The following ZNF462 variants were observed in gnomAD, a reference collection of about 807,000 sequenced individuals.
ZNF462 encodes zinc finger protein 462, also known as zinc finger PBX1-interacting protein.
Under a neutral mutation model 201.9 loss-of-function variants are expected in ZNF462, and 10 were observed. That is an observed-to-expected ratio of 0.05 (90% CI 0.03 to 0.08). The LOEUF (loss-of-function observed/expected upper bound fraction) is 0.08, where lower values mean the gene tolerates loss of function less well. Among genes scored for constraint, ZNF462 ranks in the 10% least tolerant of loss-of-function variants. The pLI, the probability that ZNF462 is intolerant of heterozygous loss-of-function variation, is 1.00. For missense variants in ZNF462, 2,523 were observed against 3,168.3 expected, an observed-to-expected ratio of 0.80 and a Z score of 4.89; for synonymous variants, 1,227 against 1,193.3, an observed-to-expected ratio of 1.03 and a Z score of -0.58.
intron 8 of ZNF462, among the ~76,000 whole-genome samples, chr9:106,973,377 G>A (rs915587323): frequency 1.3e-5 from 2 of 151,988 alleles, no homozygotes; most frequent in African/African-American, 2.4e-5. Flanking sequence ...TTGATGGAAC[G>A]TGTGTTCTAT....
chr9:106,969,522 G>T (rs1346953908), intron 7 of ZNF462, among the ~76,000 whole-genome samples: 2 of 152,136 alleles, frequency 1.3e-5, no homozygotes, highest in Non-Finnish European at 2.9e-5. Flanking sequence ...GTGTTGAGTT[G>T]GGGGTGGATG....
At chr9:106,980,229 T>A (rs944891704) in intron 9 of ZNF462, among the ~76,000 whole-genome samples, 1 of 152,236 alleles carries the variant, frequency 6.6e-6, no homozygotes, top group African/African-American at 2.4e-5. Context: ...TTTGTCTATT[T>A]ATGGCTATGT....
At chr9:106,862,094 G>C (rs1414563101), upstream of ZNF462, among the ~76,000 whole-genome samples, 1 of 151,996 alleles carries the variant, frequency 6.6e-6, no homozygotes, top group South Asian at 2.1e-4. This position sits in a 1 kb window ranked among gnomAD's most constrained non-coding sequence, Gnocchi z 4.2. Flanking sequence ...TTCCATATCA[G>C]GAAAGAAATA....
intron 1 of ZNF462, among the ~76,000 whole-genome samples, chr9:106,908,902 C>CGTATATACATATATATAT (rs1564090567): frequency 2.7e-4 from 21 of 77,216 alleles, no homozygotes; most frequent in African/African-American, 1.2e-3. Flanking sequence ...AATATTTGCC[C>CGTATATACATATATATAT]ATATATACAT....
chr9:106,922,202 A>G (rs1441772882), intron 1 of ZNF462, among the ~76,000 whole-genome samples: 3 of 152,220 alleles, frequency 2.0e-5, no homozygotes, highest in African/African-American at 4.8e-5. Context: ...CTGGTTCTAG[A>G]TTACAGTGAC....
intron 10 of ZNF462, among the ~76,000 whole-genome samples, chr9:106,998,949 T>A (rs1828955038): frequency 6.6e-6 from 1 of 151,988 alleles, no homozygotes; most frequent in African/African-American, 2.4e-5. Flanking sequence ...TTCACCAAAC[T>A]CTGGGTTAGT....
Position 106,932,563 on chromosome 9 carries a change from G to C in ZNF462, c.6116+14G>C. The C allele has an allele frequency of 6.2e-7, 1 of 1,614,184 alleles. No homozygotes were observed. Among genetic ancestry groups the C allele is most frequent in the South Asian group, 1.1e-5 (1 of 91,072 alleles). ...TTTCAGGCACAAGTAAGTGCTATTGGGGGGTCACTAGTGGTTACTGGGAGA... is the reference window on the plus strand; with the variant it reads ...TTTCAGGCACAAGTAAGTGCTATTGCGGGGTCACTAGTGGTTACTGGGAGA... On this transcript the variant is annotated intron_variant, in intron 5 of 12. Coordinates refer to ENST00000277225, the MANE Select transcript of ZNF462 (RefSeq NM_021224.6). The surrounding 1 kb of genome is among the most constrained non-coding windows in gnomAD (Gnocchi z 6.8).
Position 106,978,939 on chromosome 9 carries a change from C to A in ZNF462, c.6832+4666C>A. The A allele has an allele frequency of 6.4e-6, 2 of 314,172 alleles. No individual in the cohort carries two copies. Among genetic ancestry groups the A allele is most frequent in the South Asian group, 6.1e-5 (2 of 32,708 alleles). The allele number at this position is 314,172 out of a possible 1,614,324, so 19.5% of individuals were successfully genotyped here. On this transcript the variant is annotated intron_variant, in intron 9 of 12. Coordinates refer to ENST00000277225, the MANE Select transcript of ZNF462 (RefSeq NM_021224.6). The surrounding 1 kb of genome is among the most constrained non-coding windows in gnomAD (Gnocchi z 4.1). The stretch of plus-strand genomic sequence containing the variant: ...GGCTTCTACCAGCTTAGCCAAAGCG[C>A]CTTTGTCTTCCAAGTTAATGTGTGT...
At chr9:106,943,059 CGTGTGTGTGT>C (rs3056311) in intron 7 of ZNF462, among the ~76,000 whole-genome samples, 2 of 143,154 alleles carry the variant, frequency 1.4e-5, no homozygotes, top group South Asian at 2.3e-4. Context: ...TTTGCGCGCG[CGTGTGTGTGT>C]GTGTGTGTGT....
chr9:106,948,251 C>T (rs566207559), intron 7 of ZNF462, among the ~76,000 whole-genome samples: 47 of 152,200 alleles, frequency 3.1e-4, no homozygotes, highest in Non-Finnish European at 5.1e-4. Context: ...TAGAGCCAGA[C>T]GACAGGAGTA....
At chr9:106,940,793 T>C (rs1209849950) in intron 7 of ZNF462, among the ~76,000 whole-genome samples, 4 of 151,950 alleles carry the variant, frequency 2.6e-5, no homozygotes, top group Admixed American at 2.6e-4. Flanking sequence ...GTCACACATC[T>C]AGGGCTGGGT....
intron 1 of ZNF462, among the ~76,000 whole-genome samples, chr9:106,907,974 A>G (rs1829343048): frequency 6.6e-6 from 1 of 152,034 alleles, no homozygotes. Flanking sequence ...ACTTAGGAGA[A>G]TGTTAAAAAA....
intron 7 of ZNF462, among the ~76,000 whole-genome samples, chr9:106,944,777 C>G (rs1483486378): frequency 6.6e-5 from 10 of 152,148 alleles, no homozygotes; most frequent in Non-Finnish European, 1.2e-4. Context: ...ACTTTTCTAG[C>G]TTCTACATAG....
intron 11 of ZNF462, among the ~76,000 whole-genome samples, chr9:107,007,588 G>A (rs988715087): frequency 2.0e-5 from 3 of 152,144 alleles, no homozygotes; most frequent in African/African-American, 4.8e-5. Context: ...CCCCCTCGCC[G>A]ATCCTTGAAA....
Position 106,928,584 on chromosome 9 carries a change from A to G in ZNF462, c.4672A>G (p.Ile1558Val). The change falls in exon 3 of 13, where the codon ATA becomes GTA. Residue 1558 changes from isoleucine (I) to valine (V), a missense_variant. Physicochemically the swap from Ile to Val is conservative, Grantham distance 29. This residue lies in a region of ZNF462 where 200 missense variants were observed against 281.3 expected (regional missense o/e 0.71). Coordinates refer to ENST00000277225, the MANE Select transcript of ZNF462 (RefSeq NM_021224.6). The surrounding 1 kb of genome is among the most constrained non-coding windows in gnomAD (Gnocchi z 9.3). ...FVHDVEQSAD[I>V]SQNDVEETSR... ...GCACGACGTAGAGCAGTCTGCTGAC[A>G]TATCCCAGAATGACGTGGAGGAGAC... 6.2e-7 allele frequency: 1 copy of G among 1,614,128 alleles called. No individual in the cohort carries two copies. The highest frequency in any genetic ancestry group is 8.5e-7 in the Non-Finnish European group (1 of 1,180,020).
intron 5 of ZNF462, among the ~76,000 whole-genome samples, chr9:106,934,067 A>G (rs1397863910): frequency 2.0e-5 from 3 of 152,190 alleles, no homozygotes; most frequent in Non-Finnish European, 4.4e-5. Flanking sequence ...AATTGCTAAC[A>G]TTTATTGCAT....
At chr9:106,985,347 A>G (rs1827755918) in intron 10 of ZNF462, among the ~76,000 whole-genome samples, 1 of 152,168 alleles carries the variant, frequency 6.6e-6, no homozygotes, top group East Asian at 1.9e-4. Context: ...TTTGGGAGGA[A>G]GGAGACTCGA....
At chr9:106,875,957 A>AAGAT (rs576493817) in intron 1 of ZNF462, among the ~76,000 whole-genome samples, 2 of 152,212 alleles carry the variant, frequency 1.3e-5, no homozygotes, top group African/African-American at 2.4e-5. Context: ...TACATAGAGA[A>AAGAT]AGATAGATAG....
chr9:106,951,108 G>T lies in ZNF462; in HGVS notation c.6427+12001G>T, dbSNP rs149391890. Among the ~76,000 whole-genome samples the T allele has an allele frequency of 3.5e-3, 535 of 151,868 alleles. 2 individuals are homozygous for T. Among genetic ancestry groups the T allele is most frequent in the Non-Finnish European group, 5.5e-3 (377 of 67,986 alleles). On this transcript the variant is annotated intron_variant, in intron 7 of 12. Coordinates refer to ENST00000277225, the MANE Select transcript of ZNF462 (RefSeq NM_021224.6). ...CCATCTCAAAAAAAAAAAAATTTAA[G>T]TTCAAGGTTTAAGTAAAATATTGAT...
Sources: gnomAD v4.1 joint callset for allele counts (sites outside exome capture counted in the v4.1 genomes callset) on GRCh38, gnomAD v4.1.1 for gene constraint, gnomAD v4.1.1 regional missense constraint, Gnocchi (gnomAD v3.1) non-coding constraint, MANE v1.5 for transcripts, NCBI Gene and HGNC (gene_info 2026-07-23, HGNC 2026-07-21) for gene names.